NXPE4: variants seen among roughly 807,000 people sequenced by gnomAD.
The protein encoded by NXPE4 is NXPE family member 4.
Under a neutral mutation model 33.3 loss-of-function variants are expected in NXPE4, and 42 were observed. The observed-to-expected ratio is 1.26, with a 90% CI of 0.98 to 1.63. NXPE4 has a LOEUF of 1.63. Ranked by LOEUF, NXPE4 falls within the 40% of genes most tolerant of loss-of-function variation. The pLI is 0.00. For missense variants in NXPE4, 709 were observed against 647.6 expected (o/e 1.09, Z -1.03); for synonymous variants, 253 against 234.9 (o/e 1.08, Z -0.71).
the NXPE4 span, among the ~76,000 whole-genome samples, chr11:114,632,631 A>G: frequency 1.0e-5 from 1 of 99,744 alleles, no homozygotes; most frequent in Non-Finnish European, 1.8e-5. Flanking sequence ...TTTATATATA[A>G]TAAATGTAAA....
the NXPE4 span, among the ~76,000 whole-genome samples, chr11:114,619,928 C>T: frequency 2.0e-5 from 3 of 151,996 alleles, no homozygotes; most frequent in Admixed American, 2.0e-4. Context: ...TCATGGGTAA[C>T]CACTGTTACC....
intron 2 of NXPE4, chr11:114,583,750 T>A (rs563798661): frequency 3.2e-5 from 16 of 499,986 alleles, no homozygotes; most frequent in African/African-American, 1.9e-4. Context: ...TGCTAAAGTA[T>A]CACCAGAGGG....
the NXPE4 span, among the ~76,000 whole-genome samples, chr11:114,648,071 A>T: frequency 6.6e-6 from 1 of 152,092 alleles, no homozygotes; most frequent in Non-Finnish European, 1.5e-5. Flanking sequence ...ACATATATTG[A>T]GTCTTTGCCC....
the NXPE4 span, among the ~76,000 whole-genome samples, chr11:114,664,001 T>C: frequency 6.6e-6 from 1 of 152,112 alleles, no homozygotes; most frequent in Non-Finnish European, 1.5e-5. Context: ...CTTATAATGT[T>C]AAAACAGACT....
chr11:114,571,113 A>C lies in NXPE4; in HGVS notation c.1460T>G (p.Phe487Cys). Reference sequence around the variant, plus strand: ...TTGAATGTAACCATGAAAGTCACTAAATCTTTCTGCATCATTGTACATCTC... The same window carrying C: ...TTGAATGTAACCATGAAAGTCACTACATCTTTCTGCATCATTGTACATCTC... ...IREMYNDAER[F>C]SDFHGYIQYL... is the part of the protein sequence containing the mutation. The change falls in exon 6 of 6, where the codon TTT (phenylalanine) becomes TGT (cysteine). Residue 487 changes from phenylalanine to cysteine, a missense_variant. Phe to Cys is a radical substitution (Grantham distance 205). Coordinates refer to ENST00000375478, the MANE Select transcript of NXPE4 (RefSeq NM_001077639.2). 6.8e-6 allele frequency: 11 copies of C among 1,613,940 alleles called. No homozygotes were observed. The highest frequency in any genetic ancestry group is 9.3e-6 in the Non-Finnish European group (11 of 1,179,904).
the NXPE4 span, among the ~76,000 whole-genome samples, chr11:114,625,045 T>A: frequency 1.3e-4 from 20 of 152,074 alleles, no homozygotes; most frequent in African/African-American, 4.8e-4. Flanking sequence ...GTAAACACTG[T>A]TACCCTGTGG....
chr11:114,626,265 T>C, the NXPE4 span, among the ~76,000 whole-genome samples: 1 of 152,160 alleles, frequency 6.6e-6, no homozygotes, highest in African/African-American at 2.4e-5. Context: ...TCTGCAGACT[T>C]AAATGTCCCA....
At chr11:114,605,507 C>T in the NXPE4 span, among the ~76,000 whole-genome samples, 5 of 151,644 alleles carry the variant, frequency 3.3e-5, no homozygotes, top group African/African-American at 4.9e-5. Flanking sequence ...AGTGTTGCCC[C>T]GTGGGTAACC....
rs868796970 is a variant in NXPE4 at position 114,582,533 on chromosome 11, C to T, written c.585G>A (p.Arg195=). 1 of 1,614,118 alleles carries T rather than the reference C, an allele frequency of 6.2e-7. No individual in the cohort carries two copies. Among genetic ancestry groups the T allele is most frequent in the Non-Finnish European group, 8.5e-7 (1 of 1,180,000 alleles). ...SEGVSALWSA[R]NQGYDRVIFT... is the part of the protein sequence containing the mutation. ...AGATCACCCTGTCATAGCCTTGGTT[C>T]CTTGCACTCCAGAGAGCTGACACCC... Residue 195 remains arginine (R), a synonymous_variant, in exon 3 of 6, where the codon AGG becomes AGA. Coordinates refer to ENST00000375478, the MANE Select transcript of NXPE4 (RefSeq NM_001077639.2).
intron 2 of NXPE4, among the ~76,000 whole-genome samples, chr11:114,592,330 A>G (rs1233841248): frequency 6.6e-6 from 1 of 152,170 alleles, no homozygotes; most frequent in East Asian, 1.9e-4. Flanking sequence ...GTAAAGTTGC[A>G]GGATACAAAA....
At chr11:114,602,731 T>C in the NXPE4 span, among the ~76,000 whole-genome samples, 3 of 144,278 alleles carry the variant, frequency 2.1e-5, no homozygotes, top group African/African-American at 7.5e-5. Context: ...AATTATCTCA[T>C]ATATAATTAA....
chr11:114,676,928 G>A, the NXPE4 span, among the ~76,000 whole-genome samples: 6 of 151,972 alleles, frequency 3.9e-5, no homozygotes, highest in Non-Finnish European at 5.9e-5. Flanking sequence ...GTGTTGCTCA[G>A]CCTTAAAAAA....
chr11:114,579,388 A>G (rs114008005), intron 5 of NXPE4, among the ~76,000 whole-genome samples: 90 of 152,308 alleles, frequency 5.9e-4, no homozygotes, highest in African/African-American at 2.1e-3. Context: ...GTCAAACTAT[A>G]TCACTATTAT....
At chr11:114,587,602 G>A (rs7118528) in intron 2 of NXPE4, among the ~76,000 whole-genome samples, 1 of 152,182 alleles carries the variant, frequency 6.6e-6, no homozygotes, top group African/African-American at 2.4e-5. Flanking sequence ...ATTGCTATGG[G>A]TTATGCTTGC....
At chr11:114,597,929 C>A (rs953528671), upstream of NXPE4, among the ~76,000 whole-genome samples, 7 of 152,090 alleles carry the variant, frequency 4.6e-5, no homozygotes, top group Non-Finnish European at 1.0e-4. Flanking sequence ...CCAACAGTCC[C>A]TCAAAGTCTT....
the NXPE4 span, among the ~76,000 whole-genome samples, chr11:114,616,149 G>A: frequency 2.0e-5 from 3 of 151,452 alleles, no homozygotes; most frequent in Non-Finnish European, 4.4e-5. Flanking sequence ...GTATTGCCTC[G>A]TGGGTAACCA....
In NXPE4 at chr11:114,581,801, T is replaced by G; in HGVS notation, c.831-15A>C. 6.3e-7 allele frequency: 1 copy of G among 1,581,574 alleles called. No individual in the cohort carries two copies. The highest frequency in any genetic ancestry group is 8.7e-7 in the Non-Finnish European group (1 of 1,155,674). On this transcript the variant is annotated splice_polypyrimidine_tract_variant and intron_variant, in intron 3 of 5. Transcript: ENST00000375478. ...CCACATTTGACCTTAAAGACACAAA[T>G]ACAGAAATTAATCTGTAGGTGGCCT...
At chr11:114,590,202 GC>G (rs1949416352) in intron 2 of NXPE4, among the ~76,000 whole-genome samples, 1 of 152,168 alleles carries the variant, frequency 6.6e-6, no homozygotes, top group Non-Finnish European at 1.5e-5. Context: ...ACTGCTCTGT[GC>G]CCCAACTGAG....
chr11:114,675,173 AAC>A, the NXPE4 span, among the ~76,000 whole-genome samples: 1 of 151,806 alleles, frequency 6.6e-6, no homozygotes, highest in Non-Finnish European at 1.5e-5. Flanking sequence ...CAACACAATA[AAC>A]ACTATATATG....
Sources: gnomAD v4.1 joint callset for allele counts (sites outside exome capture counted in the v4.1 genomes callset) on GRCh38, gnomAD v4.1.1 for gene constraint, MANE v1.5 for transcripts, NCBI Gene and HGNC (gene_info 2026-07-23, HGNC 2026-07-21) for gene names.